The following COL4A1 variants were observed in gnomAD, a reference collection of about 807,000 sequenced individuals.
The protein encoded by COL4A1 is collagen type IV alpha 1 chain.
A neutral mutation model predicts 216.6 loss-of-function variants in COL4A1; 40 were observed. The observed-to-expected ratio is 0.18, with a 90% CI of 0.14 to 0.24. The LOEUF (loss-of-function observed/expected upper bound fraction) is 0.24. COL4A1 is among the 10% of genes least tolerant of loss of function. The pLI, the probability that COL4A1 is intolerant of heterozygous loss-of-function variation, is 1.00. For synonymous variants in COL4A1, 839 were observed against 810.7 expected, an observed-to-expected ratio of 1.03 and a Z score of -0.59; for missense variants, 1,628 against 2,196.8, an observed-to-expected ratio of 0.74 and a Z score of 5.18.
chr13:110,275,762 A>G (rs1285879768), intron 1 of COL4A1, among the ~76,000 whole-genome samples: 1 of 152,230 alleles, frequency 6.6e-6, no homozygotes, highest in Non-Finnish European at 1.5e-5. Flanking sequence ...AGGAACCTCA[A>G]ATGCATATTA....
chr13:110,279,941 C>T (rs557671615), intron 1 of COL4A1, among the ~76,000 whole-genome samples: 8 of 152,304 alleles, frequency 5.3e-5, no homozygotes, highest in Admixed American at 2.6e-4. Flanking sequence ...AGAGCGTCCA[C>T]GTTGCACCTG....
chr13:110,198,405 G>A, intron 21 of COL4A1, 62 bp downstream of exon 21: 1 of 1,601,324 alleles, frequency 6.2e-7, no homozygotes, highest in Non-Finnish European at 8.5e-7. Context: ...CCCAACCTGG[G>A]TCTGCCCGGC....
rs554274424 is a variant in COL4A1, at chr13:110,268,987, G to T, written c.85-26253C>A. Among the ~76,000 whole-genome samples, 10 of 151,634 alleles carry T rather than the reference G, an allele frequency of 6.6e-5. No homozygotes were observed. The highest frequency in any genetic ancestry group is 2.4e-4 in the African/African-American group (10 of 41,330). Reference sequence around the variant, plus strand: ...TCCGCGCACCTCCACACGCCTTGCAGCACCACGGCCCACCTCTTGGCGCAC... The same window carrying T: ...TCCGCGCACCTCCACACGCCTTGCATCACCACGGCCCACCTCTTGGCGCAC... On this transcript the variant is annotated intron_variant, in intron 1 of 51. Transcript: ENST00000375820. This position sits in a 1 kb window ranked among gnomAD's most constrained non-coding sequence, Gnocchi z 4.1.
At chr13:110,160,683 GCAC>G (rs1013830509) in intron 49 of COL4A1, among the ~76,000 whole-genome samples, 6 of 152,274 alleles carry the variant, frequency 3.9e-5, no homozygotes, top group Non-Finnish European at 8.8e-5. Flanking sequence ...CCATGGTTTT[GCAC>G]CACAATTTTA....
intron 1 of COL4A1, among the ~76,000 whole-genome samples, chr13:110,289,028 A>AC (rs1180362694): frequency 6.6e-6 from 1 of 151,706 alleles, no homozygotes; most frequent in African/African-American, 2.4e-5. Context: ...ACAGAACAAG[A>AC]CCCCATCTCA....
rs1182995452 is a variant in COL4A1 at position 110,254,462 on chromosome 13, T to C, written c.85-11728A>G. 2.6e-5 allele frequency among the ~76,000 whole-genome samples: 4 copies of C among 152,184 alleles called. No individual in the cohort carries two copies. The South Asian group carries it at 6.2e-4, about 24-fold the overall frequency. ...GGAAGACACAGCAGCGCCCATGTTC[T>C]ATTTATCCCACTGCGTTCCACCAGC... On this transcript the variant is annotated intron_variant, in intron 1 of 51. Transcript: ENST00000375820.
intron 2 of COL4A1, among the ~76,000 whole-genome samples, chr13:110,233,421 G>A (rs1881158410): frequency 6.6e-6 from 1 of 152,176 alleles, no homozygotes; most frequent in Non-Finnish European, 1.5e-5. Flanking sequence ...CTCGGGTCCT[G>A]CAGATGAGCC....
chr13:110,227,382 C>T (rs986229881), intron 2 of COL4A1, among the ~76,000 whole-genome samples: 4 of 130,454 alleles, frequency 3.1e-5, no homozygotes, highest in South Asian at 2.7e-4. Context: ...AGTATGGGTA[C>T]GGTAGACACA....
In COL4A1 at chr13:110,197,158, A is replaced by G. The variant is rs374146446; in HGVS notation, c.1285+1309T>C. 3.5e-3 allele frequency among the ~76,000 whole-genome samples: 532 copies of G among 150,816 alleles called. 1 individual carries two copies. Among genetic ancestry groups the G allele is most frequent in the Middle Eastern group, 0.017 (5 of 294 alleles). ...AGATTTCCCCACCATTGGCTCCCTC[A>G]CCCCCTTCATGTCTTTGTAAATCAC... On this transcript the variant is annotated intron_variant, in intron 21 of 51. Transcript: ENST00000375820.
At chr13:110,250,895 T>G (rs1201698145) in intron 1 of COL4A1, among the ~76,000 whole-genome samples, 1 of 152,206 alleles carries the variant, frequency 6.6e-6, no homozygotes, top group African/African-American at 2.4e-5. Context: ...GAGAGACATT[T>G]CGTTCTCTCA....
intron 18 of COL4A1, among the ~76,000 whole-genome samples, chr13:110,202,475 T>TTA (rs1023818838): frequency 4.6e-5 from 7 of 152,156 alleles, no homozygotes; most frequent in South Asian, 2.1e-4. Context: ...ATCCCACAAG[T>TTA]TATATATATA....
intron 18 of COL4A1, among the ~76,000 whole-genome samples, chr13:110,202,504 CATAAAT>C (rs969578096): frequency 6.6e-6 from 1 of 152,028 alleles, no homozygotes; most frequent in Non-Finnish European, 1.5e-5. Flanking sequence ...TGATGTATAC[CATAAAT>C]ATATACAATT....
chr13:110,161,433 A>AG (rs1877082957), intron 48 of COL4A1, 64 bp from the exon 49 acceptor site: 2 of 1,531,502 alleles, frequency 1.3e-6, no homozygotes, highest in Middle Eastern at 1.7e-4. Context: ...CTCTATGTAA[A>AG]GTGGATTTCA....
intron 23 of COL4A1, 111 bp from the exon 24 acceptor site, chr13:110,192,395 G>C (rs189461603): frequency 8.0e-6 from 8 of 1,006,026 alleles, no homozygotes; most frequent in Non-Finnish European, 1.2e-5. Context: ...GTGGATGATT[G>C]CTTGGATAAT....
intron 28 of COL4A1, among the ~76,000 whole-genome samples, chr13:110,181,829 A>T (rs974486199): frequency 6.6e-6 from 1 of 152,058 alleles, no homozygotes; most frequent in African/African-American, 2.4e-5. Context: ...ATCCCACAGG[A>T]TCTGTCACTG....
At chr13:110,200,035 C>A (rs2139189233) in intron 20 of COL4A1, among the ~76,000 whole-genome samples, 1 of 152,256 alleles carries the variant, frequency 6.6e-6, no homozygotes, top group Middle Eastern at 3.4e-3. Context: ...GAACTTAGAC[C>A]AGCTGGAAAG....
intron 2 of COL4A1, among the ~76,000 whole-genome samples, chr13:110,225,803 C>T (rs1880714085): frequency 6.6e-6 from 1 of 152,202 alleles, no homozygotes; most frequent in Non-Finnish European, 1.5e-5. Context: ...GGCAAAGAAC[C>T]TAAGCCTGGA....
At chr13:110,160,220 A>C (rs555070027) in intron 49 of COL4A1, among the ~76,000 whole-genome samples, 1 of 148,012 alleles carries the variant, frequency 6.8e-6, no homozygotes, top group South Asian at 2.1e-4. Context: ...AGGCGGGTGG[A>C]TCATGAGGTC....
In COL4A1 at chr13:110,149,980, G is replaced by A; in HGVS notation, c.*383C>T. 1 of 334,720 alleles carries A rather than the reference G, an allele frequency of 3.0e-6. No homozygotes were observed. The highest frequency in any genetic ancestry group is 7.7e-5 in the East Asian group (1 of 13,016). The allele number at this position is 334,720 out of a possible 1,614,324, so 20.7% of individuals were successfully genotyped here. On this transcript the variant is annotated 3_prime_UTR_variant, in exon 52 of 52. Coordinates refer to ENST00000375820, the MANE Select transcript of COL4A1 (RefSeq NM_001845.6). ...GTGATATAAACAAACATTTATCTCTGGGGGTAGAAAATTAATTATAATACA... is the reference window on the plus strand; with the variant it reads ...GTGATATAAACAAACATTTATCTCTAGGGGTAGAAAATTAATTATAATACA...
Sources: allele counts gnomAD v4.1 joint callset (sites outside exome capture counted in the v4.1 genomes callset), GRCh38; gene constraint gnomAD v4.1.1; non-coding constraint Gnocchi (gnomAD v3.1); transcripts MANE v1.5; gene names NCBI Gene and HGNC (gene_info 2026-07-23, HGNC 2026-07-21).